GABRB2: variants seen among roughly 807,000 people sequenced by gnomAD.
GABRB2 encodes the protein gamma-aminobutyric acid type A receptor subunit beta2, also known as gamma-aminobutyric acid receptor subunit beta-2.
Under a neutral mutation model 54.7 loss-of-function variants are expected in GABRB2, and 16 were observed. That is an observed-to-expected ratio of 0.29 (90% confidence interval 0.20 to 0.44). The LOEUF (loss-of-function observed/expected upper bound fraction) is 0.44, where lower values mean the gene tolerates loss of function less well. Among genes scored for constraint, GABRB2 ranks in the 20% least tolerant of loss-of-function variants. The probability of loss-of-function intolerance (pLI) is 1.00; values close to 1 mark genes in which losing one functional copy is unlikely to be tolerated. For synonymous variants in GABRB2, 244 were observed against 233.8 expected, an observed-to-expected ratio of 1.04 and a Z score of -0.40; for missense variants, 355 against 644.0, an observed-to-expected ratio of 0.55 and a Z score of 4.86.
chr5:161,536,357 G>A (rs1581066809), intron 3 of GABRB2, among the ~76,000 whole-genome samples: 1 of 152,168 alleles, frequency 6.6e-6, no homozygotes, highest in East Asian at 1.9e-4. Flanking sequence ...AATTGTGTGG[G>A]CATAATTTGT....
chr5:161,436,335 A>G (rs1757307514), intron 4 of GABRB2, among the ~76,000 whole-genome samples: 1 of 152,190 alleles, frequency 6.6e-6, no homozygotes, highest in Admixed American at 6.5e-5. Flanking sequence ...GGTCGAGACC[A>G]GCCTGGTCAG....
At chr5:161,385,844 A>T (rs1275908658) in intron 5 of GABRB2, among the ~76,000 whole-genome samples, 1 of 152,102 alleles carries the variant, frequency 6.6e-6, no homozygotes, top group Non-Finnish European at 1.5e-5. Flanking sequence ...TGTGTGGAAG[A>T]CAGATTATAA....
chr5:161,374,152 C>G (rs980345460), intron 5 of GABRB2, among the ~76,000 whole-genome samples: 14 of 152,090 alleles, frequency 9.2e-5, no homozygotes, highest in South Asian at 2.1e-4. Context: ...CCATGTTGGT[C>G]AGGCTGGTCT....
intron 3 of GABRB2, among the ~76,000 whole-genome samples, chr5:161,503,709 C>CAAAAAAA (rs33992062): frequency 1.1e-5 from 1 of 91,674 alleles, no homozygotes; most frequent in Non-Finnish European, 2.3e-5. Flanking sequence ...AATTCCTTCT[C>CAAAAAAA]AAAAAAAAAA....
At chr5:161,322,395 C>T (rs2113382705) in intron 9 of GABRB2, among the ~76,000 whole-genome samples, 1 of 152,120 alleles carries the variant, frequency 6.6e-6, no homozygotes, top group Admixed American at 6.6e-5. Context: ...GCCACCATAC[C>T]CAGATAATTT....
chr5:161,493,865 A>G (rs1759148753), intron 3 of GABRB2, among the ~76,000 whole-genome samples: 2 of 151,746 alleles, frequency 1.3e-5, no homozygotes, highest in African/African-American at 2.4e-5. Context: ...ATCTATTCAT[A>G]TAGTGAATTA....
intron 5 of GABRB2, among the ~76,000 whole-genome samples, chr5:161,368,481 A>T (rs1755036152): frequency 6.6e-6 from 1 of 152,190 alleles, no homozygotes; most frequent in Non-Finnish European, 1.5e-5. Context: ...TCTAGTAGAA[A>T]TATCACTTTG....
intron 3 of GABRB2, among the ~76,000 whole-genome samples, chr5:161,515,805 G>A (rs1001852275): frequency 3.3e-5 from 5 of 152,134 alleles, no homozygotes; most frequent in African/African-American, 1.2e-4. Flanking sequence ...AAGAAAACAT[G>A]CTCAATTTCA....
intron 5 of GABRB2, among the ~76,000 whole-genome samples, chr5:161,339,916 C>A (rs767451630): frequency 1.3e-5 from 2 of 151,944 alleles, no homozygotes; most frequent in African/African-American, 2.4e-5. Context: ...CCTGCCCCAC[C>A]ATTAGGACAT....
chr5:161,463,564 T>TAGATATATAG (rs1561659524), intron 3 of GABRB2, among the ~76,000 whole-genome samples: 1 of 87,508 alleles, frequency 1.1e-5, no homozygotes, highest in Non-Finnish European at 2.7e-5. Flanking sequence ...TTTATATATA[T>TAGATATATAG]ATATATATAT....
At chr5:161,483,509 T>G (rs1025454581) in intron 3 of GABRB2, among the ~76,000 whole-genome samples, 1 of 151,962 alleles carries the variant, frequency 6.6e-6, no homozygotes, top group Non-Finnish European at 1.5e-5. Context: ...ACTCCTGGCC[T>G]GACCTCTTTA....
At chr5:161,354,657 CAACA>C (rs927324152) in intron 5 of GABRB2, among the ~76,000 whole-genome samples, 6 of 152,006 alleles carry the variant, frequency 3.9e-5, no homozygotes, top group Non-Finnish European at 7.4e-5. Flanking sequence ...TTAAAAACAG[CAACA>C]AACAAACAAA....
chr5:161,530,121 C>T (rs978371952), intron 3 of GABRB2, among the ~76,000 whole-genome samples: 1 of 152,050 alleles, frequency 6.6e-6, no homozygotes, highest in African/African-American at 2.4e-5. Context: ...TTTAGTCTCA[C>T]CTCGAGTGCA....
chr5:161,376,606 AT>A (rs1277015380), intron 5 of GABRB2, among the ~76,000 whole-genome samples: 1 of 152,134 alleles, frequency 6.6e-6, no homozygotes, highest in Non-Finnish European at 1.5e-5. Flanking sequence ...GTGCTGCTGG[AT>A]TTTGTAGGAA....
rs144854161 is a variant in GABRB2 at position 161,338,727 on chromosome 5, G to A, written c.542-1958C>T. 2.2e-3 allele frequency among the ~76,000 whole-genome samples: 334 copies of A among 152,072 alleles called. 1 individual carries two copies. The highest frequency in any genetic ancestry group is 7.3e-3 in the African/African-American group (304 of 41,502). ...ATTAAGTTCAGGAATTTGAGGTTGC[G>A]GTGAGCTATGATGGCACCACTGCAC... is the stretch of plus-strand genomic sequence containing the variant. On this transcript the variant is annotated intron_variant, in intron 5 of 9. Coordinates refer to ENST00000393959, the MANE Select transcript of GABRB2 (RefSeq NM_001371727.1).
chr5:161,373,604 T>A (rs1755195894), intron 5 of GABRB2, among the ~76,000 whole-genome samples: 1 of 152,178 alleles, frequency 6.6e-6, no homozygotes, highest in South Asian at 2.1e-4. Context: ...TTGGAATAGA[T>A]TCCTAAGTGT....
chr5:161,345,542 C>T (rs1211304223), intron 5 of GABRB2, among the ~76,000 whole-genome samples: 1 of 152,078 alleles, frequency 6.6e-6, no homozygotes, highest in Non-Finnish European at 1.5e-5. Flanking sequence ...CCTTTGACCT[C>T]AAGGTTCTGG....
Position 161,459,845 on chromosome 5 carries a change from C to T in GABRB2, c.238-1G>A. ...GAAAGTACATTGTCAAGGTATAATCCTGTAAATGTGAGAAAAAAAAACATG... is the reference window on the plus strand; with the variant it reads ...GAAAGTACATTGTCAAGGTATAATCTTGTAAATGTGAGAAAAAAAAACATG... On this transcript the variant is annotated splice_acceptor_variant, in intron 3 of 9. Transcript: ENST00000393959. LOFTEE classifies it high-confidence loss of function. The T allele has an allele frequency of 6.3e-7, 1 of 1,594,830 alleles. No individual in the cohort carries two copies. The highest frequency in any genetic ancestry group is 8.6e-7 in the Non-Finnish European group (1 of 1,163,270).
intron 5 of GABRB2, among the ~76,000 whole-genome samples, chr5:161,405,002 T>C (rs1448914884): frequency 6.6e-6 from 1 of 152,182 alleles, no homozygotes; most frequent in East Asian, 1.9e-4. Context: ...CAGCTGTAAC[T>C]GCTATGAACT....
Sources: gnomAD v4.1 joint callset for allele counts (sites outside exome capture counted in the v4.1 genomes callset) on GRCh38, gnomAD v4.1.1 for gene constraint, MANE v1.5 for transcripts, NCBI Gene and HGNC (gene_info 2026-07-23, HGNC 2026-07-21) for gene names.